Variants in DLGAP1 observed in about 807,000 individuals in gnomAD.
DLGAP1 encodes the protein disks large-associated protein 1.
DLGAP1 carries 11 observed loss-of-function variants against 90.8 expected under a neutral mutation model. That is an observed-to-expected ratio of 0.12 (90% CI 0.08 to 0.20). DLGAP1 has a LOEUF of 0.20. Among genes scored for constraint, DLGAP1 ranks in the 10% least tolerant of loss-of-function variants. DLGAP1 has a pLI of 1.00. For synonymous variants in DLGAP1, 558 were observed against 540.7 expected (o/e 1.03, Z -0.44); for missense variants, 1,050 against 1,333.8 (o/e 0.79, Z 3.31).
intron 2 of DLGAP1, among the ~76,000 whole-genome samples, chr18:4,007,484 G>T (rs952160465): frequency 5.9e-5 from 9 of 152,030 alleles, no homozygotes; most frequent in Admixed American, 3.3e-4. Context: ...GCAAAACCCC[G>T]TCTCTACTAA....
intron 5 of DLGAP1, among the ~76,000 whole-genome samples, chr18:3,794,776 A>G (rs546700920): frequency 6.6e-6 from 1 of 152,346 alleles, no homozygotes; most frequent in East Asian, 1.9e-4. Context: ...TTACTGCTCA[A>G]TCTATTCAGC....
At chr18:3,813,705 G>T (rs934980127) in intron 5 of DLGAP1, among the ~76,000 whole-genome samples, 1 of 152,060 alleles carries the variant, frequency 6.6e-6, no homozygotes, top group Non-Finnish European at 1.5e-5. Context: ...CTTCGTGCCT[G>T]AGCAAACGTT....
chr18:3,637,237 G>A (rs1321087407), intron 7 of DLGAP1, among the ~76,000 whole-genome samples: 1 of 151,960 alleles, frequency 6.6e-6, no homozygotes, highest in African/African-American at 2.4e-5. Flanking sequence ...AGGGGCAAAG[G>A]CTGATCAAGG....
chr18:3,731,104 T>G (rs1216239073), intron 6 of DLGAP1, among the ~76,000 whole-genome samples: 2 of 152,240 alleles, frequency 1.3e-5, no homozygotes, highest in African/African-American at 4.8e-5. Flanking sequence ...TTGCAATTAT[T>G]TCAAAGCCAA....
chr18:4,405,445 T>A (rs1169393407), intron 1 of DLGAP1, among the ~76,000 whole-genome samples: 1 of 152,206 alleles, frequency 6.6e-6, no homozygotes, highest in East Asian at 1.9e-4. Context: ...ACATATTTCC[T>A]TAACTCCAGC....
intron 2 of DLGAP1, among the ~76,000 whole-genome samples, chr18:4,028,889 A>G (rs1440303285): frequency 6.6e-6 from 1 of 152,144 alleles, no homozygotes; most frequent in African/African-American, 2.4e-5. Flanking sequence ...AGCAAGTAGC[A>G]TTTTTACTTA....
At chr18:4,424,488 A>G (rs1203126782) in intron 1 of DLGAP1, among the ~76,000 whole-genome samples, 1 of 152,190 alleles carries the variant, frequency 6.6e-6, no homozygotes, top group Non-Finnish European at 1.5e-5. Context: ...AAATTTATGT[A>G]TACTTGATGT....
chr18:3,541,583 A>T (rs147601227), intron 9 of DLGAP1, among the ~76,000 whole-genome samples: 34 of 152,320 alleles, frequency 2.2e-4, no homozygotes, highest in Non-Finnish European at 3.5e-4. Context: ...TGATTGCCAA[A>T]GGTCTTTCCA....
intron 1 of DLGAP1, among the ~76,000 whole-genome samples, chr18:4,333,141 G>A (rs538028703): frequency 1.3e-5 from 2 of 152,064 alleles, no homozygotes; most frequent in South Asian, 4.1e-4. Context: ...CTTAGCTCAC[G>A]ATTCTGCTGA....
At chr18:3,903,740 G>A (rs2148884259) in intron 3 of DLGAP1, among the ~76,000 whole-genome samples, 1 of 152,302 alleles carries the variant, frequency 6.6e-6, no homozygotes, top group South Asian at 2.1e-4. Context: ...CTTTCAGGGG[G>A]AAGTGATAGT....
chr18:3,804,741 G>A (rs947498807), intron 5 of DLGAP1, among the ~76,000 whole-genome samples: 4 of 152,214 alleles, frequency 2.6e-5, no homozygotes, highest in African/African-American at 9.6e-5. Flanking sequence ...GGCATAGAGG[G>A]ATTGTGTAAT....
At chr18:4,451,201 T>C (rs2083818468) in intron 1 of DLGAP1, among the ~76,000 whole-genome samples, 1 of 152,182 alleles carries the variant, frequency 6.6e-6, no homozygotes, top group Admixed American at 6.5e-5. Context: ...TCAACACGGC[T>C]CCTGTGCAAT....
In DLGAP1 at chr18:3,498,765, T is replaced by C. The variant is rs2049779208; in HGVS notation, c.*420A>G. 1.2e-5 allele frequency: 2 copies of C among 167,470 alleles called. No individual in the cohort carries two copies. The highest frequency in any genetic ancestry group is 2.5e-5 in the Non-Finnish European group (2 of 78,568). 10.4% of individuals were successfully genotyped at this position (167,470 alleles called of 1,614,324 possible). A position where few individuals can be genotyped will look rare whatever the true frequency, so the allele number is the denominator to read the frequency against. ...CTAGTTTCTTTCACGTGGAAGACGG[T>C]AAGTCCCAAAGGATCACCCTGTGAT... is the stretch of plus-strand genomic sequence containing the variant. On this transcript the variant is annotated 3_prime_UTR_variant, in exon 13 of 13. Transcript: ENST00000315677.
intron 1 of DLGAP1, among the ~76,000 whole-genome samples, chr18:4,313,364 C>T (rs368400582): frequency 1.8e-4 from 27 of 151,930 alleles, no homozygotes; most frequent in African/African-American, 6.0e-4. Context: ...TGGTTGGTAC[C>T]GTTGAGAAAT....
At chr18:3,821,863 T>C (rs1422600987) in intron 4 of DLGAP1, 6 of 976,684 alleles carry the variant, frequency 6.1e-6, no homozygotes, top group African/African-American at 1.8e-5. Context: ...TCTAAGCACT[T>C]TTAGTGGGCT....
chr18:4,021,241 A>T (rs1159268077), intron 2 of DLGAP1, among the ~76,000 whole-genome samples: 1 of 152,210 alleles, frequency 6.6e-6, no homozygotes, highest in Non-Finnish European at 1.5e-5. Context: ...TCTAGGCAGC[A>T]GGCAAGGAGA....
intron 10 of DLGAP1, among the ~76,000 whole-genome samples, chr18:3,523,619 G>A (rs1263789950): frequency 1.5e-3 from 232 of 151,644 alleles, no homozygotes; most frequent in Non-Finnish European, 2.7e-3. Context: ...AGGCCAAGGA[G>A]GGCGGATCAC....
At chr18:3,599,426 C>T (rs116133706) in intron 7 of DLGAP1, among the ~76,000 whole-genome samples, 1,613 of 152,210 alleles carry the variant, frequency 0.011, 5 homozygotes, top group South Asian at 0.024. Context: ...AAATAGTTTC[C>T]GAGGTCAAGT....
rs145257680 is a variant in DLGAP1 at position 4,406,926 on chromosome 18, T to C, written c.-267+48080A>G. Among the ~76,000 whole-genome samples the C allele has an allele frequency of 3.3e-5, 5 of 152,326 alleles. No homozygotes were observed. The East Asian group carries it at 9.7e-4, about 29-fold the overall frequency. ...TGCAATGTTGACTTTGGTTGGCAAT[T>C]TGAATAAAAAGCAATTTCTGTGGTC... is the stretch of plus-strand genomic sequence containing the variant. On this transcript the variant is annotated intron_variant, in intron 1 of 12. Coordinates refer to ENST00000315677, the MANE Select transcript of DLGAP1 (RefSeq NM_004746.4).
Sources: allele counts gnomAD v4.1 joint callset (sites outside exome capture counted in the v4.1 genomes callset), GRCh38; gene constraint gnomAD v4.1.1; transcripts MANE v1.5; gene names NCBI Gene and HGNC (gene_info 2026-07-23, HGNC 2026-07-21).